Variants in TAB2 observed in about 807,000 individuals in gnomAD.
The protein encoded by TAB2 is TGF-beta activated kinase 1 (MAP3K7) binding protein 2, also known as TGF-beta-activated kinase 1 and MAP3K7-binding protein 2.
A neutral mutation model predicts 65.0 loss-of-function variants in TAB2; 3 were observed. The ratio of observed to expected loss-of-function variants is 0.05; its 90% CI spans 0.02 to 0.12. The LOEUF is 0.12. Ranked by LOEUF, TAB2 falls within the 10% of genes least tolerant of loss-of-function variation. The pLI, the probability that TAB2 is intolerant of heterozygous loss-of-function variation, is 1.00. For synonymous variants in TAB2, 298 were observed against 285.1 expected (o/e 1.05, Z -0.46); for missense variants, 623 against 840.3 (o/e 0.74, Z 3.20).
At chr6:149,288,801 C>T (rs1778721853) in intron 1 of TAB2, among the ~76,000 whole-genome samples, 1 of 150,926 alleles carries the variant, frequency 6.6e-6, no homozygotes, top group Non-Finnish European at 1.5e-5. Context: ...GGGTTCCCTG[C>T]TTCTGCTCTT....
chr6:149,305,140 T>C (rs1461844633), intron 1 of TAB2, among the ~76,000 whole-genome samples: 3 of 152,218 alleles, frequency 2.0e-5, no homozygotes, highest in Non-Finnish European at 4.4e-5. Flanking sequence ...AACCCACAGA[T>C]ACAGAGAGCC....
intron 6 of TAB2, among the ~76,000 whole-genome samples, chr6:149,408,163 T>G (rs1258569480): frequency 6.6e-6 from 1 of 152,198 alleles, no homozygotes; most frequent in Non-Finnish European, 1.5e-5. Context: ...GTCAAAAGTT[T>G]TTTAAACTGT....
upstream of TAB2, among the ~76,000 whole-genome samples, chr6:149,314,057 T>C (rs1306663865): frequency 6.6e-6 from 1 of 152,254 alleles, no homozygotes; most frequent in Non-Finnish European, 1.5e-5. Flanking sequence ...CTTTCAGACT[T>C]GAAGTCTATG....
intron 1 of TAB2, among the ~76,000 whole-genome samples, chr6:149,294,750 G>T (rs917449426): frequency 1.3e-5 from 2 of 152,104 alleles, no homozygotes; most frequent in Non-Finnish European, 2.9e-5. Flanking sequence ...GCCATAAAAA[G>T]ATACCTACAA....
intron 1 of TAB2, among the ~76,000 whole-genome samples, chr6:149,286,079 A>T (rs1235696505): frequency 6.6e-6 from 1 of 152,038 alleles, no homozygotes. Context: ...ATTCTTTTTT[A>T]AAAATGAGGT....
chr6:149,404,211 ATCCCATTCACAATAG>A (rs1199923448), intron 6 of TAB2, among the ~76,000 whole-genome samples: 6 of 152,212 alleles, frequency 3.9e-5, no homozygotes, highest in Non-Finnish European at 7.4e-5. Flanking sequence ...CAAGAAAACA[ATCCCATTCACAATAG>A]CAAGAAGAAG....
At chr6:149,256,452 C>T (rs1778036493) in intron 1 of TAB2, among the ~76,000 whole-genome samples, 1 of 152,154 alleles carries the variant, frequency 6.6e-6, no homozygotes, top group Non-Finnish European at 1.5e-5. Context: ...TCACAACCTC[C>T]TTTATGTGGT....
rs1456268760 is a variant in TAB2 at position 149,403,246 on chromosome 6, AAATATATATATATAT to A, written c.1939+4064_1939+4078del. On this transcript the variant is annotated intron_variant, in intron 6 of 6. Transcript: ENST00000637181. ...CGAAACTCTTGTCTAAAAAAAAAAA[AAATATATATATATAT>A]ATATATATATATATATATATATACA... Among the ~76,000 whole-genome samples the A allele has an allele frequency of 2.8e-4, 9 of 31,700 alleles. 1 individual carries two copies. The highest frequency in any genetic ancestry group is 1.4e-3 in the African/African-American group (8 of 5,588). 20.8% of individuals were successfully genotyped at this position (31,700 alleles called of 152,430 possible).
intron 1 of TAB2, among the ~76,000 whole-genome samples, chr6:149,266,300 T>G (rs1022662606): frequency 1.3e-5 from 2 of 152,208 alleles, no homozygotes; most frequent in Non-Finnish European, 2.9e-5. Context: ...CGTGTGTCTG[T>G]GTCTTTGTCC....
At chr6:149,354,276 T>C (rs1780584570) in intron 1 of TAB2, among the ~76,000 whole-genome samples, 1 of 152,204 alleles carries the variant, frequency 6.6e-6, no homozygotes, top group Non-Finnish European at 1.5e-5. Flanking sequence ...ACAAGCACTC[T>C]ACAGAGCCTC....
upstream of TAB2, among the ~76,000 whole-genome samples, chr6:149,317,142 T>C (rs1474858236): frequency 1.3e-5 from 2 of 151,732 alleles, no homozygotes; most frequent in African/African-American, 2.4e-5. The surrounding 1 kb of genome is among the most constrained non-coding windows in gnomAD (Gnocchi z 4.7). Flanking sequence ...TAGGTGCAGC[T>C]GGGACGCGAG....
At position 149,411,321 on chromosome 6, in the gene TAB2, CCTAA is replaced by C. The variant is rs1316625401; in HGVS notation, c.*1605_*1608del. 2.6e-5 allele frequency: 4 copies of C among 152,420 alleles called. No homozygotes were observed. The highest frequency in any genetic ancestry group is 1.3e-4 in the Admixed American group (2 of 15,272). The allele number at this position is 152,420 out of a possible 1,614,324, so 9.4% of individuals were successfully genotyped here. On this transcript the variant is annotated 3_prime_UTR_variant, in exon 7 of 7. Coordinates refer to ENST00000637181, the MANE Select transcript of TAB2 (RefSeq NM_001292034.3). ...AGTTGATCTCTATGAATGTCAGAGC[CCTAA>C]CTTTCAGGCTTTGCATTTTGTATAT...
At chr6:149,275,139 T>TA (rs1554255793) in intron 1 of TAB2, among the ~76,000 whole-genome samples, 4 of 113,480 alleles carry the variant, frequency 3.5e-5, no homozygotes, top group African/African-American at 1.4e-4. Flanking sequence ...TTTTTTTTTT[T>TA]TTTTGAGTTG....
intron 6 of TAB2, among the ~76,000 whole-genome samples, chr6:149,403,339 TACACACACACAC>T (rs71010866): frequency 0.023 from 2,410 of 105,620 alleles, 116 homozygotes; most frequent in African/African-American, 0.078. Flanking sequence ...TACATATATA[TACACACACACAC>T]ACACACACAC....
chr6:149,359,382 A>T (rs569473280), intron 1 of TAB2, among the ~76,000 whole-genome samples: 11 of 152,238 alleles, frequency 7.2e-5, no homozygotes, highest in Admixed American at 3.9e-4. Flanking sequence ...GTAAATTTGG[A>T]TTCCACACCT....
At chr6:149,219,526 C>T (rs750946499) in intron 1 of TAB2, among the ~76,000 whole-genome samples, 1 of 152,166 alleles carries the variant, frequency 6.6e-6, no homozygotes, top group Non-Finnish European at 1.5e-5. Context: ...CAAACCTGCT[C>T]TTTAAATTAT....
intron 1 of TAB2, among the ~76,000 whole-genome samples, chr6:149,251,777 G>A (rs1233186004): frequency 6.6e-6 from 1 of 152,150 alleles, no homozygotes; most frequent in Non-Finnish European, 1.5e-5. Flanking sequence ...GACTTTAGCT[G>A]TACTTTGTTA....
At chr6:149,370,678 T>G (rs544505893) in intron 2 of TAB2, among the ~76,000 whole-genome samples, 20 of 152,298 alleles carry the variant, frequency 1.3e-4, no homozygotes, top group African/African-American at 4.8e-4. Context: ...TTGTACATTG[T>G]TCTTAGTATA....
At chr6:149,304,539 A>G (rs1415913912) in intron 1 of TAB2, 1 of 152,292 alleles carries the variant, frequency 6.6e-6, no homozygotes, top group Non-Finnish European at 1.5e-5. Context: ...AGACGAAGAC[A>G]TGTTATGGAG....
Sources: gnomAD v4.1 joint callset for allele counts (sites outside exome capture counted in the v4.1 genomes callset) on GRCh38, gnomAD v4.1.1 for gene constraint, Gnocchi (gnomAD v3.1) non-coding constraint, MANE v1.5 for transcripts, NCBI Gene and HGNC (gene_info 2026-07-23, HGNC 2026-07-21) for gene names.